AFF3: variants seen among roughly 807,000 people sequenced by gnomAD.
AFF3 encodes the protein ALF transcription elongation factor 3, also known as AF4/FMR2 family member 3.
AFF3 carries 32 observed loss-of-function variants against 129.7 expected under a neutral mutation model. The ratio of observed to expected loss-of-function variants is 0.25; its 90% CI spans 0.19 to 0.33. AFF3 has a LOEUF of 0.33. AFF3 is among the 10% of genes least tolerant of loss of function. The pLI is 1.00. For synonymous variants in AFF3, 644 were observed against 635.4 expected, an observed-to-expected ratio of 1.01 and a Z score of -0.20; for missense variants, 1,373 against 1,592.0, an observed-to-expected ratio of 0.86 and a Z score of 2.34.
At chr2:99,557,468 A>AT (rs1675047116) in intron 22 of AFF3, among the ~76,000 whole-genome samples, 1 of 152,240 alleles carries the variant, frequency 6.6e-6, no homozygotes, top group Middle Eastern at 3.4e-3. Context: ...TTCTGTATGT[A>AT]TTAGTGGGCT....
intron 7 of AFF3, among the ~76,000 whole-genome samples, chr2:99,992,205 C>T (rs762314614): frequency 2.6e-4 from 39 of 151,994 alleles, no homozygotes; most frequent in Non-Finnish European, 5.1e-4. Context: ...TTTACTTCTG[C>T]TAGCTATTTA....
chr2:99,755,628 C>A (rs1220843140), intron 8 of AFF3, among the ~76,000 whole-genome samples: 1 of 152,122 alleles, frequency 6.6e-6, no homozygotes, highest in Non-Finnish European at 1.5e-5. Context: ...TTTCTTTTCA[C>A]CTTCTTGACA....
At chr2:99,777,177 C>A (rs986707886) in intron 8 of AFF3, among the ~76,000 whole-genome samples, 1 of 152,190 alleles carries the variant, frequency 6.6e-6, no homozygotes, top group Admixed American at 6.5e-5. Flanking sequence ...TGAGCATCTT[C>A]TGAGAACTTC....
chr2:100,105,896 G>C, intron 2 of AFF3: 2 of 1,331,468 alleles, frequency 1.5e-6, no homozygotes, highest in Non-Finnish European at 2.0e-6. Flanking sequence ...CCCGCCAAAA[G>C]GGAGTCCCTT....
In AFF3 at chr2:99,545,876, C is replaced by T. The variant is rs192852020; in HGVS notation, c.*5598G>A. 13 of 191,826 alleles carry T rather than the reference C, an allele frequency of 6.8e-5. No homozygotes were observed. Among genetic ancestry groups the T allele is most frequent in the Admixed American group, 2.4e-4 (4 of 16,342 alleles). The allele number at this position is 191,826 out of a possible 1,614,324, so 11.9% of individuals were successfully genotyped here. A position where few individuals can be genotyped will look rare whatever the true frequency, so the allele number is the denominator to read the frequency against. ...TGGGCAGATGTAATTAGTTTGAGAA[C>T]GGAGTTTATAATTTTCCTCATGCCA... On this transcript the variant is annotated 3_prime_UTR_variant, in exon 25 of 25. Coordinates refer to ENST00000672756, the MANE Select transcript of AFF3 (RefSeq NM_001386135.1).
chr2:99,748,124 T>C (rs1340037261), intron 9 of AFF3, among the ~76,000 whole-genome samples: 3 of 152,166 alleles, frequency 2.0e-5, no homozygotes, highest in Admixed American at 1.3e-4. Context: ...CCACAGGCTA[T>C]GCAGCTCTCT....
At position 99,920,671 on chromosome 2, in the gene AFF3, A is replaced by G. The variant is rs531441782; in HGVS notation, c.874-83147T>C. On this transcript the variant is annotated intron_variant, in intron 7 of 24. Transcript: ENST00000672756. ...AGTCCACTCTCACTATCTTTATTCAACATTGTATTGGAGGTCCCTGCCTGT... is the reference window on the plus strand; with the variant it reads ...AGTCCACTCTCACTATCTTTATTCAGCATTGTATTGGAGGTCCCTGCCTGT... Among the ~76,000 whole-genome samples, 3 of 152,166 alleles carry G rather than the reference A, an allele frequency of 2.0e-5. No individual in the cohort carries two copies. The South Asian group carries it at 6.2e-4, about 32-fold the overall frequency.
At chr2:99,950,517 G>C (rs1180658571) in intron 7 of AFF3, among the ~76,000 whole-genome samples, 1 of 152,142 alleles carries the variant, frequency 6.6e-6, no homozygotes, top group Non-Finnish European at 1.5e-5. Context: ...CTGCATGAAT[G>C]ATCACAATAA....
At chr2:100,067,085 A>G (rs902461470) in intron 4 of AFF3, among the ~76,000 whole-genome samples, 10 of 151,736 alleles carry the variant, frequency 6.6e-5, no homozygotes, top group Non-Finnish European at 1.5e-4. Context: ...GTGAACTGCA[A>G]TTCGTGGACT....
Position 100,106,724 on chromosome 2 carries a change from C to G in AFF3, c.-144-1141G>C, listed in dbSNP as rs886963255. ...CCTCACCGGGATCTGGCTTTCCTTCCCTTCCCACCACATCTGTTTATACAA... is the reference window on the plus strand; with the variant it reads ...CCTCACCGGGATCTGGCTTTCCTTCGCTTCCCACCACATCTGTTTATACAA... On this transcript the variant is annotated intron_variant, in intron 2 of 24. Coordinates refer to ENST00000672756, the MANE Select transcript of AFF3 (RefSeq NM_001386135.1). 28 of 986,012 alleles carry G rather than the reference C, an allele frequency of 2.8e-5. No homozygotes were observed. In the African/African-American group the frequency reaches 4.9e-4, roughly 17 times the overall value. The allele number at this position is 986,012 out of a possible 1,614,324, so 61.1% of individuals were successfully genotyped here.
chr2:100,111,778 A>C (rs1326327796), intron 2 of AFF3, among the ~76,000 whole-genome samples: 2 of 152,214 alleles, frequency 1.3e-5, no homozygotes, highest in African/African-American at 4.8e-5. Context: ...CAGGGTTAGA[A>C]CCCTATAATA....
chr2:100,037,880 T>C (rs1685101565), intron 4 of AFF3, among the ~76,000 whole-genome samples: 1 of 145,130 alleles, frequency 6.9e-6, no homozygotes, highest in South Asian at 2.1e-4. Flanking sequence ...TATGTGGGTG[T>C]GTATATATAT....
At chr2:99,889,432 T>A (rs1693372986) in intron 7 of AFF3, among the ~76,000 whole-genome samples, 1 of 152,256 alleles carries the variant, frequency 6.6e-6, no homozygotes, top group South Asian at 2.1e-4. Flanking sequence ...CCATTGTTTT[T>A]GAATCATGTT....
chr2:100,078,872 T>A (rs1054190150), intron 4 of AFF3, among the ~76,000 whole-genome samples: 5 of 152,132 alleles, frequency 3.3e-5, no homozygotes, highest in African/African-American at 1.2e-4. Context: ...GTAAATGCTA[T>A]GTAAATAGCT....
At chr2:99,735,329 T>C (rs1187007022) in intron 10 of AFF3, among the ~76,000 whole-genome samples, 2 of 152,198 alleles carry the variant, frequency 1.3e-5, no homozygotes, top group Non-Finnish European at 2.9e-5. Flanking sequence ...GAATAAACTT[T>C]TGGCTCCATT....
chr2:99,943,783 T>C (rs1675286984), intron 7 of AFF3, among the ~76,000 whole-genome samples: 1 of 152,220 alleles, frequency 6.6e-6, no homozygotes. Flanking sequence ...GTCTCCTCTC[T>C]AACAATGGAG....
At chr2:100,050,194 T>A (rs549180419) in intron 4 of AFF3, among the ~76,000 whole-genome samples, 1 of 151,758 alleles carries the variant, frequency 6.6e-6, no homozygotes, top group Admixed American at 6.6e-5. Context: ...CAAGACTTCA[T>A]CTCGGGGGGG....
intron 4 of AFF3, among the ~76,000 whole-genome samples, chr2:100,028,888 A>G (rs1190645405): frequency 6.6e-6 from 1 of 152,166 alleles, no homozygotes; most frequent in Non-Finnish European, 1.5e-5. Flanking sequence ...GTAGAATTAT[A>G]ATATGATTCA....
chr2:99,687,112 G>A (rs1675136929), intron 11 of AFF3, among the ~76,000 whole-genome samples: 1 of 152,154 alleles, frequency 6.6e-6, no homozygotes, highest in African/African-American at 2.4e-5. Context: ...ACAGTTTCCT[G>A]AGTGCAATGA....
Sources: gnomAD v4.1 joint callset for allele counts (sites outside exome capture counted in the v4.1 genomes callset) on GRCh38, gnomAD v4.1.1 for gene constraint, MANE v1.5 for transcripts, NCBI Gene and HGNC (gene_info 2026-07-23, HGNC 2026-07-21) for gene names.